Variants in ASXL3 observed in about 807,000 individuals in gnomAD.
The protein encoded by ASXL3 is ASXL transcriptional regulator 3.
ASXL3 carries 34 observed loss-of-function variants against 170.6 expected under a neutral mutation model. The ratio of observed to expected loss-of-function variants is 0.20; its 90% CI spans 0.15 to 0.27. The LOEUF is 0.27. Among genes scored for constraint, ASXL3 ranks in the 10% least tolerant of loss-of-function variants. The probability of loss-of-function intolerance (pLI) is 1.00; values close to 1 mark genes in which losing one functional copy is unlikely to be tolerated. For synonymous variants in ASXL3, 1,002 were observed against 989.1 expected (o/e 1.01, Z -0.24); for missense variants, 2,592 against 2,695.3 (o/e 0.96, Z 0.85).
At chr18:33,741,251 A>G (rs1269593721) in intron 11 of ASXL3, among the ~76,000 whole-genome samples, 1 of 152,114 alleles carries the variant, frequency 6.6e-6, no homozygotes, top group Non-Finnish European at 1.5e-5. Flanking sequence ...GCTTATTTTC[A>G]AAGTCATATG....
At chr18:33,681,920 C>T (rs1302123170) in intron 7 of ASXL3, among the ~76,000 whole-genome samples, 1 of 151,788 alleles carries the variant, frequency 6.6e-6, no homozygotes, top group Non-Finnish European at 1.5e-5. Flanking sequence ...TAATTTTTCC[C>T]CTGTTATGTC....
intron 1 of ASXL3, among the ~76,000 whole-genome samples, chr18:33,594,801 C>A (rs1200129933): frequency 2.6e-5 from 4 of 152,180 alleles, no homozygotes; most frequent in Admixed American, 6.6e-5. Context: ...TCTCATACTC[C>A]TGACCTCAAG....
At chr18:33,646,119 G>A (rs1460124609) in intron 3 of ASXL3, 126 bp from the exon 4 acceptor site, 5 of 613,220 alleles carry the variant, frequency 8.2e-6, no homozygotes, top group Non-Finnish European at 1.0e-5. Context: ...ACATTAAAAA[G>A]TAAATCATTA....
intron 2 of ASXL3, among the ~76,000 whole-genome samples, chr18:33,628,294 G>A (rs924818462): frequency 1.3e-5 from 2 of 151,974 alleles, no homozygotes; most frequent in Non-Finnish European, 2.9e-5. Context: ...CCGTCACTGT[G>A]GGCCACAGGC....
chr18:33,672,394 G>A (rs981138333), intron 7 of ASXL3, among the ~76,000 whole-genome samples: 1 of 152,150 alleles, frequency 6.6e-6, no homozygotes, highest in Non-Finnish European at 1.5e-5. Context: ...CAGGCCACGG[G>A]TCTTTCAAAT....
chr18:33,684,036 A>G (rs1292840929), intron 8 of ASXL3, among the ~76,000 whole-genome samples: 2 of 152,210 alleles, frequency 1.3e-5, no homozygotes, highest in Non-Finnish European at 2.9e-5. Context: ...GCCTATAAAT[A>G]ATCACCTTTT....
chr18:33,732,168 CTTTAA>C, intron 9 of ASXL3, 104 bp downstream of exon 9: 1 of 788,974 alleles, frequency 1.3e-6, no homozygotes, highest in Non-Finnish European at 1.9e-6. Context: ...ACACAGTACA[CTTTAA>C]TTTAGTAAAA....
intron 2 of ASXL3, among the ~76,000 whole-genome samples, chr18:33,636,727 T>A (rs569998679): frequency 3.9e-5 from 6 of 152,200 alleles, no homozygotes; most frequent in Admixed American, 3.3e-4. Flanking sequence ...GTGGCATCTG[T>A]TGGGTAATAT....
chr18:33,741,605 G>A (rs1445279829), intron 11 of ASXL3, among the ~76,000 whole-genome samples: 1 of 152,018 alleles, frequency 6.6e-6, no homozygotes, highest in Non-Finnish European at 1.5e-5. Context: ...TTGGCCTTTG[G>A]AATAGAACAG....
chr18:33,598,062 C>T (rs2065146615), intron 1 of ASXL3, among the ~76,000 whole-genome samples: 1 of 152,090 alleles, frequency 6.6e-6, no homozygotes, highest in Non-Finnish European at 1.5e-5. Context: ...TTGTCTGTTT[C>T]CATAAGGACA....
rs570171783 is a variant in ASXL3, at chr18:33,592,935, G to A, written c.54+14250G>A. ...TACAAGGGAAATCTTTTTGTATTCC[G>A]TCTTAAGATAATCTTGTTTATATTT... On this transcript the variant is annotated intron_variant, in intron 1 of 11. Transcript: ENST00000269197. 5.3e-5 allele frequency among the ~76,000 whole-genome samples: 8 copies of A among 151,894 alleles called. No homozygotes were observed. The East Asian group carries it at 5.8e-4, about 11-fold the overall frequency.
intron 8 of ASXL3, among the ~76,000 whole-genome samples, chr18:33,699,182 G>T (rs1182014806): frequency 6.6e-6 from 1 of 151,874 alleles, no homozygotes; most frequent in Non-Finnish European, 1.5e-5. Flanking sequence ...TAGAAAACCG[G>T]CAAGAAAATC....
intron 4 of ASXL3, among the ~76,000 whole-genome samples, chr18:33,653,766 C>T (rs906291533): frequency 2.0e-5 from 3 of 151,940 alleles, no homozygotes; most frequent in African/African-American, 7.3e-5. Context: ...CGCACAGTCC[C>T]CCTTATACTT....
chr18:33,638,169 A>G (rs2065797569), intron 2 of ASXL3, among the ~76,000 whole-genome samples: 1 of 150,162 alleles, frequency 6.7e-6, no homozygotes, highest in African/African-American at 2.4e-5. Context: ...TAGTGTGTGT[A>G]TATATATATC....
Position 33,743,403 on chromosome 18 carries a change from T to C in ASXL3, c.3555T>C (p.Ser1185=), listed in dbSNP as rs61734143. ...LRETTTVLQQ[S]LNPSKLPETA... ...AGACCACCACTGTACTACAGCAGTC[T>C]CTTAACCCAAGTAAACTTCCAGAAA... Residue 1185 remains serine (S), a synonymous_variant, in exon 12 of 12, where the codon TCT becomes TCC. Transcript: ENST00000269197. 1.1e-3 allele frequency: 1,829 copies of C among 1,613,356 alleles called. 26 individuals are homozygous for C. The African/African-American group carries it at 0.022, about 20-fold the overall frequency.
At chr18:33,598,680 G>T (rs1026761587) in intron 1 of ASXL3, among the ~76,000 whole-genome samples, 1 of 152,190 alleles carries the variant, frequency 6.6e-6, no homozygotes, top group Non-Finnish European at 1.5e-5. Context: ...CTTTCAAGGA[G>T]ATGTGATAAG....
At chr18:33,690,057 T>C (rs1342630912) in intron 8 of ASXL3, among the ~76,000 whole-genome samples, 1 of 152,162 alleles carries the variant, frequency 6.6e-6, no homozygotes, top group Admixed American at 6.6e-5. Context: ...AGGGTCTCAC[T>C]GTGTTGCCCA....
intron 2 of ASXL3, among the ~76,000 whole-genome samples, chr18:33,613,658 C>A (rs372698932): frequency 1.3e-5 from 2 of 152,114 alleles, no homozygotes; most frequent in African/African-American, 4.8e-5. Flanking sequence ...GTGACTCATG[C>A]CTATAATCCC....
Position 33,678,607 on chromosome 18 carries a change from G to A in ASXL3, c.716-4798G>A, listed in dbSNP as rs193079351. 1.2e-4 allele frequency among the ~76,000 whole-genome samples: 19 copies of A among 152,312 alleles called. No homozygotes were observed. The East Asian group carries it at 3.7e-3, about 29-fold the overall frequency. On this transcript the variant is annotated intron_variant, in intron 7 of 11. Transcript: ENST00000269197. ...GTCAGGTGTCTTCTTGTATAGCATA[G>A]GCTGTGGCAACGTAGCAATTGTTGG...
Sources: allele counts gnomAD v4.1 joint callset (sites outside exome capture counted in the v4.1 genomes callset), GRCh38; gene constraint gnomAD v4.1.1; transcripts MANE v1.5; gene names NCBI Gene and HGNC (gene_info 2026-07-23, HGNC 2026-07-21).